ST18: variants seen among roughly 807,000 people sequenced by gnomAD.
ST18 encodes suppression of tumorigenicity 18 protein.
A neutral mutation model predicts 110.0 loss-of-function variants in ST18; 50 were observed. The ratio of observed to expected loss-of-function variants is 0.45; its 90% confidence interval spans 0.36 to 0.58. The LOEUF is 0.58. Among genes scored for constraint, ST18 ranks in the 20% least tolerant of loss-of-function variants. The probability of loss-of-function intolerance (pLI) is 0.00; values close to 1 mark genes in which losing one functional copy is unlikely to be tolerated. For missense variants in ST18, 1,306 were observed against 1,280.1 expected (o/e 1.02, Z -0.31); for synonymous variants, 461 against 452.4 (o/e 1.02, Z -0.24).
At chr8:52,375,409 G>A (rs754531077) in intron 2 of ST18, among the ~76,000 whole-genome samples, 3 of 152,024 alleles carry the variant, frequency 2.0e-5, no homozygotes, top group Non-Finnish European at 4.4e-5. Flanking sequence ...CTGAATCCAA[G>A]GACCTATTCT....
chr8:52,245,477 C>T (rs2093770251), intron 2 of ST18, among the ~76,000 whole-genome samples: 1 of 152,100 alleles, frequency 6.6e-6, no homozygotes, highest in Non-Finnish European at 1.5e-5. Context: ...CACTGGCCTT[C>T]TGCCATGTTT....
chr8:52,289,955 T>C (rs1451984908), intron 2 of ST18, among the ~76,000 whole-genome samples: 1 of 151,848 alleles, frequency 6.6e-6, no homozygotes, highest in Non-Finnish European at 1.5e-5. Flanking sequence ...AAATGATGGT[T>C]CAGAGAAGTA....
chr8:52,398,541 T>C (rs770559583), intron 2 of ST18, among the ~76,000 whole-genome samples: 1 of 152,186 alleles, frequency 6.6e-6, no homozygotes, highest in Non-Finnish European at 1.5e-5. Flanking sequence ...TGACGTTAGC[T>C]GTGGGTTTTT....
At chr8:52,276,647 C>T (rs16917618) in intron 2 of ST18, among the ~76,000 whole-genome samples, 10,553 of 152,096 alleles carry the variant, frequency 0.069, 429 homozygotes, top group East Asian at 0.17. Flanking sequence ...AGCAGATCAG[C>T]TCAATTACCA....
chr8:52,390,391 T>A (rs534151019), intron 2 of ST18, among the ~76,000 whole-genome samples: 40 of 152,250 alleles, frequency 2.6e-4, no homozygotes, highest in African/African-American at 9.4e-4. Flanking sequence ...CATCACTCTG[T>A]CTCTCAAGAC....
intron 2 of ST18, among the ~76,000 whole-genome samples, chr8:52,276,126 T>C (rs1454185375): frequency 9.7e-3 from 45 of 4,646 alleles, no homozygotes; most frequent in South Asian, 0.016. Flanking sequence ...ACCTATCACA[T>C]ACCACACACA....
chr8:52,207,056 A>G (rs1187364284), intron 8 of ST18, among the ~76,000 whole-genome samples: 1 of 152,268 alleles, frequency 6.6e-6, no homozygotes, highest in African/African-American at 2.4e-5. Context: ...GAATTCTAAA[A>G]AAATTCCAAA....
intron 2 of ST18, among the ~76,000 whole-genome samples, chr8:52,344,944 A>G (rs1279360314): frequency 6.6e-6 from 1 of 152,096 alleles, no homozygotes; most frequent in Non-Finnish European, 1.5e-5. Context: ...TGTTATTCCC[A>G]TTGTATAAAG....
At chr8:52,372,045 GA>G (rs1830457802) in intron 2 of ST18, among the ~76,000 whole-genome samples, 1 of 152,182 alleles carries the variant, frequency 6.6e-6, no homozygotes, top group African/African-American at 2.4e-5. Context: ...GATTACAGAA[GA>G]AGGTATTGTT....
At chr8:52,252,433 T>C (rs1186912603) in intron 2 of ST18, among the ~76,000 whole-genome samples, 1 of 151,864 alleles carries the variant, frequency 6.6e-6, no homozygotes, top group East Asian at 1.9e-4. Flanking sequence ...CTTGCAGTTG[T>C]CTAATTTAAG....
intron 14 of ST18, among the ~76,000 whole-genome samples, chr8:52,159,499 T>C (rs1416793767): frequency 1.3e-5 from 2 of 152,142 alleles, no homozygotes; most frequent in African/African-American, 4.8e-5. Context: ...AAACTGCATA[T>C]ATGTGAGGAC....
intron 2 of ST18, among the ~76,000 whole-genome samples, chr8:52,370,097 C>A (rs1290475806): frequency 6.6e-6 from 1 of 152,170 alleles, no homozygotes; most frequent in African/African-American, 2.4e-5. Flanking sequence ...TCCATAGGAA[C>A]TACATTGTAA....
At chr8:52,166,408 G>A (rs1466075861) in intron 11 of ST18, among the ~76,000 whole-genome samples, 1 of 152,154 alleles carries the variant, frequency 6.6e-6, no homozygotes, top group Non-Finnish European at 1.5e-5. Context: ...TTGCTCCAGA[G>A]GCAGGTACCA....
intron 2 of ST18, among the ~76,000 whole-genome samples, chr8:52,298,706 A>C (rs1444021024): frequency 6.6e-6 from 1 of 152,238 alleles, no homozygotes; most frequent in Admixed American, 6.5e-5. Flanking sequence ...TAGATTTACC[A>C]CTACTTTTAC....
At chr8:52,388,405 A>C (rs190239242) in intron 2 of ST18, among the ~76,000 whole-genome samples, 1 of 151,768 alleles carries the variant, frequency 6.6e-6, no homozygotes, top group Non-Finnish European at 1.5e-5. Context: ...CACTTCCACA[A>C]CAAGCCTCAG....
intron 10 of ST18, among the ~76,000 whole-genome samples, chr8:52,170,452 CAATAAATA>C (rs562661652): frequency 0.018 from 2,340 of 128,088 alleles, 57 homozygotes; most frequent in African/African-American, 0.067. Flanking sequence ...ACTCAAAAAT[CAATAAATA>C]AATAAATAAA....
rs2062154806 is a variant in ST18, at chr8:52,163,997, G to A, written c.1389C>T (p.Asp463=). 1.9e-6 allele frequency: 3 copies of A among 1,613,778 alleles called. No individual in the cohort carries two copies. The South Asian group carries it at 3.3e-5, about 18-fold the overall frequency. Residue 463 remains aspartate (D), a synonymous_variant, in exon 13 of 26, where the codon GAC becomes GAT. Transcript: ENST00000689386. ...TTAGGGGTTCATACCTGTGGGCCTG[G>A]TCAGGACACTGCCCAGTTTGGGGAG... is the stretch of plus-strand genomic sequence containing the variant. The part of the protein sequence containing the change: ...LDSPQTGQCP[D]QAHRTSLVKQ...
intron 2 of ST18, among the ~76,000 whole-genome samples, chr8:52,245,786 A>G (rs1653358476): frequency 6.6e-6 from 1 of 152,130 alleles, no homozygotes; most frequent in Non-Finnish European, 1.5e-5. Context: ...TATAAATCAA[A>G]GAAATTAAAA....
chr8:52,131,868 T>A, intron 22 of ST18, 90 bp downstream of exon 22: 12 of 1,211,842 alleles, frequency 9.9e-6, no homozygotes, highest in South Asian at 1.4e-5. Context: ...TGAACAACCT[T>A]TAGGGGGTTG....
Sources: allele counts gnomAD v4.1 joint callset (sites outside exome capture counted in the v4.1 genomes callset), GRCh38; gene constraint gnomAD v4.1.1; transcripts MANE v1.5; gene names NCBI Gene and HGNC (gene_info 2026-07-23, HGNC 2026-07-21).